Variants in PRKACB observed in about 807,000 individuals in gnomAD.
PRKACB encodes protein kinase cAMP-activated catalytic subunit beta.
A neutral mutation model predicts 51.4 loss-of-function variants in PRKACB; 16 were observed. That is an observed-to-expected ratio of 0.31 (90% CI 0.21 to 0.47). PRKACB has a LOEUF of 0.47. PRKACB is among the 20% of genes least tolerant of loss of function. PRKACB has a pLI of 1.00. For missense variants in PRKACB, 309 were observed against 464.5 expected (o/e 0.67, Z 3.08); for synonymous variants, 147 against 154.4 (o/e 0.95, Z 0.35).
At chr1:84,225,947 A>G (rs890977412) in intron 9 of PRKACB, among the ~76,000 whole-genome samples, 2 of 152,218 alleles carry the variant, frequency 1.3e-5, no homozygotes, top group Non-Finnish European at 2.9e-5. Context: ...ACATGTGATT[A>G]TCTACTCACT....
chr1:84,218,361 C>T (rs537094609), intron 9 of PRKACB, among the ~76,000 whole-genome samples: 1 of 152,244 alleles, frequency 6.6e-6, no homozygotes, highest in Non-Finnish European at 1.5e-5. Context: ...CTATACGTTA[C>T]CTCTAAGAGA....
chr1:84,174,092 A>G (rs1441773601), intron 1 of PRKACB, among the ~76,000 whole-genome samples: 1 of 151,828 alleles, frequency 6.6e-6, no homozygotes. Context: ...GTTTCTACCC[A>G]TGCGTTGAAA....
chr1:84,235,164 T>TCC lies in PRKACB; in HGVS notation c.1072-14_1072-13dup. 6.3e-7 allele frequency: 1 copy of TCC among 1,578,856 alleles called. No homozygotes were observed. Among genetic ancestry groups the TCC allele is most frequent in the Non-Finnish European group, 8.6e-7 (1 of 1,168,532 alleles). Reference sequence around the variant, plus strand: ...TTTTTTCCTTTTTCTTATTTTTCTCTCCCTCTCAATTATAGGTTGAAGCTC... The same window carrying TCC: ...TTTTTTCCTTTTTCTTATTTTTCTCTCCCCCTCTCAATTATAGGTTGAAGCTC... On this transcript the variant is annotated splice_polypyrimidine_tract_variant and intron_variant, in intron 9 of 9. Transcript: ENST00000370685.
At chr1:84,178,504 G>C (rs901913624) in intron 1 of PRKACB, among the ~76,000 whole-genome samples, 1 of 151,884 alleles carries the variant, frequency 6.6e-6, no homozygotes, top group Non-Finnish European at 1.5e-5. Flanking sequence ...CAAACACTTG[G>C]TTTTGAATTG....
chr1:84,105,743 A>C (rs1649689770), intron 1 of PRKACB, among the ~76,000 whole-genome samples: 1 of 151,836 alleles, frequency 6.6e-6, no homozygotes, highest in Non-Finnish European at 1.5e-5. Context: ...AGCCCAGCTA[A>C]TTTTTGTTCT....
At chr1:84,089,945 C>T (rs1209924012) in intron 1 of PRKACB, among the ~76,000 whole-genome samples, 3 of 152,146 alleles carry the variant, frequency 2.0e-5, no homozygotes, top group African/African-American at 7.2e-5. Flanking sequence ...TTCCTTTGCA[C>T]ATCTGCCTCT....
chr1:84,117,109 T>A (rs1650697651), intron 1 of PRKACB, among the ~76,000 whole-genome samples: 1 of 152,138 alleles, frequency 6.6e-6, no homozygotes, highest in Non-Finnish European at 1.5e-5. Context: ...TGCATCCCAT[T>A]TATTGATTTG....
chr1:84,117,070 GATA>G (rs1650693240), intron 1 of PRKACB, among the ~76,000 whole-genome samples: 1 of 151,836 alleles, frequency 6.6e-6, no homozygotes, highest in Admixed American at 6.6e-5. Context: ...CATCCATTGA[GATA>G]ATAATGATTT....
At chr1:84,175,140 G>A in intron 1 of PRKACB, 1 of 1,228,226 alleles carries the variant, frequency 8.1e-7, no homozygotes, top group Non-Finnish European at 1.1e-6. Context: ...TCCTTATAAA[G>A]TTATATATTT....
chr1:84,120,637 T>G (rs1650986160), intron 1 of PRKACB, among the ~76,000 whole-genome samples: 1 of 152,130 alleles, frequency 6.6e-6, no homozygotes, highest in Non-Finnish European at 1.5e-5. Flanking sequence ...TCACTTCATA[T>G]GTTTACAAGA....
At chr1:84,216,557 CA>C (rs1461112306) in intron 9 of PRKACB, among the ~76,000 whole-genome samples, 2 of 151,902 alleles carry the variant, frequency 1.3e-5, no homozygotes, top group African/African-American at 4.8e-5. Flanking sequence ...AGATTGATAG[CA>C]CTTTAAAATA....
At chr1:84,169,046 G>A (rs1311819432) in intron 1 of PRKACB, among the ~76,000 whole-genome samples, 1 of 151,570 alleles carries the variant, frequency 6.6e-6, no homozygotes, top group Non-Finnish European at 1.5e-5. Context: ...GAAATGAGAA[G>A]GGCCAAAGAA....
At chr1:84,154,439 AT>A (rs1453105903) in intron 1 of PRKACB, among the ~76,000 whole-genome samples, 1 of 152,164 alleles carries the variant, frequency 6.6e-6, no homozygotes, top group African/African-American at 2.4e-5. Flanking sequence ...CCCAAACAAA[AT>A]AAAACCTAGT....
At chr1:84,080,036 A>T (rs1438713926) in intron 1 of PRKACB, among the ~76,000 whole-genome samples, 1 of 152,212 alleles carries the variant, frequency 6.6e-6, no homozygotes, top group Non-Finnish European at 1.5e-5. Context: ...TGCAAAAAGT[A>T]TAAAGAATTA....
intron 1 of PRKACB, among the ~76,000 whole-genome samples, chr1:84,083,042 G>T (rs1242720183): frequency 6.6e-6 from 1 of 152,006 alleles, no homozygotes; most frequent in Non-Finnish European, 1.5e-5. Context: ...AATTATTTTT[G>T]GGGCTGTACT....
At chr1:84,096,937 T>G (rs1259855480) in intron 1 of PRKACB, among the ~76,000 whole-genome samples, 3 of 152,074 alleles carry the variant, frequency 2.0e-5, no homozygotes, top group African/African-American at 7.2e-5. Flanking sequence ...CCACTATTCT[T>G]ATTTCTGTCA....
At chr1:84,178,427 T>A (rs1471106652) in intron 1 of PRKACB, among the ~76,000 whole-genome samples, 16 of 152,068 alleles carry the variant, frequency 1.1e-4, no homozygotes, top group Admixed American at 1.0e-3. Flanking sequence ...TTTACAAATT[T>A]AAAACTTCAA....
intron 1 of PRKACB, among the ~76,000 whole-genome samples, chr1:84,126,176 A>G (rs1024398133): frequency 1.3e-5 from 2 of 152,092 alleles, no homozygotes; most frequent in African/African-American, 4.8e-5. Context: ...CAGACAACTT[A>G]AGTGTTTAAC....
At position 84,179,180 on chromosome 1, in the gene PRKACB, AAG is replaced by A; in HGVS notation, c.194_195del (p.Glu65ValfsTer20). ...GTTTTTATATGTATATTTTCAGTGAAAGAGTTTCTAGCCAAAGCCAAAGAAGA... is the reference window on the plus strand; with the variant it reads ...GTTTTTATATGTATATTTTCAGTGAAAGTTTCTAGCCAAAGCCAAAGAAGA... On this transcript the variant is annotated frameshift_variant, in exon 2 of 10. Coordinates refer to ENST00000370685, the MANE Select transcript of PRKACB (RefSeq NM_182948.4). LOFTEE classifies it high-confidence loss of function. The A allele has an allele frequency of 6.3e-7, 1 of 1,588,388 alleles. No homozygotes were observed. The highest frequency in any genetic ancestry group is 8.6e-7 in the Non-Finnish European group (1 of 1,166,500).
Sources: gnomAD v4.1 joint callset for allele counts (sites outside exome capture counted in the v4.1 genomes callset) on GRCh38, gnomAD v4.1.1 for gene constraint, MANE v1.5 for transcripts, NCBI Gene and HGNC (gene_info 2026-07-23, HGNC 2026-07-21) for gene names.